ADGRL3: variants seen among roughly 807,000 people sequenced by gnomAD.
The protein encoded by ADGRL3 is calcium-independent alpha-latrotoxin receptor 3.
A neutral mutation model predicts 153.5 loss-of-function variants in ADGRL3; 62 were observed. The observed-to-expected ratio is 0.40, with a 90% CI of 0.33 to 0.50. ADGRL3 has a LOEUF of 0.50. Among genes scored for constraint, ADGRL3 ranks in the 20% least tolerant of loss-of-function variants. ADGRL3 has a pLI of 0.47. For synonymous variants in ADGRL3, 710 were observed against 672.5 expected (o/e 1.06, Z -0.86); for missense variants, 1,641 against 1,859.4 (o/e 0.88, Z 2.16).
intron 13 of ADGRL3, among the ~76,000 whole-genome samples, chr4:61,921,499 A>G (rs2149983251): frequency 6.6e-6 from 1 of 152,142 alleles, no homozygotes; most frequent in South Asian, 2.1e-4. Context: ...GCTCACTGCA[A>G]CCTCTGCCTC....
At chr4:61,282,525 C>A (rs2093763633) in intron 1 of ADGRL3, among the ~76,000 whole-genome samples, 1 of 151,868 alleles carries the variant, frequency 6.6e-6, no homozygotes, top group African/African-American at 2.4e-5. Context: ...CTTTTGGAGG[C>A]AGGAAGTTAG....
chr4:61,510,075 G>A (rs1221991248), intron 3 of ADGRL3, among the ~76,000 whole-genome samples: 1 of 152,174 alleles, frequency 6.6e-6, no homozygotes, highest in Non-Finnish European at 1.5e-5. Context: ...CTTTTGCGAA[G>A]TGTTTGTTCA....
At chr4:61,928,427 C>G (rs574470238) in intron 13 of ADGRL3, among the ~76,000 whole-genome samples, 6 of 152,188 alleles carry the variant, frequency 3.9e-5, no homozygotes, top group African/African-American at 1.4e-4. Flanking sequence ...GAGTCTATTA[C>G]TTTTGTACTG....
At chr4:61,971,312 A>C (rs1046214083) in intron 17 of ADGRL3, among the ~76,000 whole-genome samples, 2 of 151,356 alleles carry the variant, frequency 1.3e-5, no homozygotes, top group African/African-American at 2.4e-5. Context: ...CCCCGCTCCC[A>C]CCACCCCACA....
Position 61,201,583 on chromosome 4 carries a change from C to G in ADGRL3, c.-422C>G, listed in dbSNP as rs556747512. 2.8e-4 allele frequency: 43 copies of G among 152,446 alleles called. No individual in the cohort carries two copies. The highest frequency in any genetic ancestry group is 1.0e-3 in the African/African-American group (43 of 41,564). The allele number at this position is 152,446 out of a possible 1,614,324, so 9.4% of individuals were successfully genotyped here. On this transcript the variant is annotated 5_prime_UTR_variant, in exon 1 of 27. Transcript: ENST00000683033. ...TTGTTGTTTCCTTGACTGGGGTCTC[C>G]ACCCTCCTGCTGCTTTCTCTGCGCT...
rs529243285 is a variant in ADGRL3 at position 61,838,080 on chromosome 4, T to A, written c.1480+24191T>A. ...GAAAGAGAAAGAAAATAAAGTTTTT[T>A]TCTCATGAAACTCTCTTTACCATGA... On this transcript the variant is annotated intron_variant, in intron 9 of 26. Coordinates refer to ENST00000683033, the MANE Select transcript of ADGRL3 (RefSeq NM_001387552.1). 1.0e-3 allele frequency among the ~76,000 whole-genome samples: 153 copies of A among 152,196 alleles called. 1 individual carries two copies. The highest frequency in any genetic ancestry group is 3.4e-3 in the Middle Eastern group (1 of 294).
intron 6 of ADGRL3, among the ~76,000 whole-genome samples, chr4:61,723,438 G>A (rs2096273979): frequency 6.6e-6 from 1 of 152,100 alleles, no homozygotes; most frequent in South Asian, 2.1e-4. Flanking sequence ...CCCATACAGA[G>A]GGAGTGGGGG....
At chr4:61,816,359 C>T (rs1171355980) in intron 9 of ADGRL3, among the ~76,000 whole-genome samples, 6 of 152,148 alleles carry the variant, frequency 3.9e-5, no homozygotes, top group East Asian at 3.9e-4. Context: ...GACTCACTCA[C>T]GTTTTTGAAA....
intron 6 of ADGRL3, among the ~76,000 whole-genome samples, chr4:61,698,295 C>CA (rs1222500813): frequency 1.3e-5 from 2 of 151,802 alleles, no homozygotes; most frequent in Admixed American, 1.3e-4. Context: ...ACTAAAAATA[C>CA]AAAAAAATTA....
chr4:61,850,598 A>T (rs1238569345), intron 9 of ADGRL3, among the ~76,000 whole-genome samples: 1 of 152,156 alleles, frequency 6.6e-6, no homozygotes, highest in African/African-American at 2.4e-5. Context: ...ATTGTTTATG[A>T]CATATAAAAC....
intron 5 of ADGRL3, among the ~76,000 whole-genome samples, chr4:61,591,988 G>T (rs1461021101): frequency 6.7e-6 from 1 of 149,978 alleles, no homozygotes; most frequent in Non-Finnish European, 1.5e-5. Context: ...GAGGTGAGAG[G>T]ATGCCTTGAG....
At chr4:61,869,960 AAGAGAGAGAGAGAG>A (rs1311740882) in intron 9 of ADGRL3, among the ~76,000 whole-genome samples, 23 of 101,878 alleles carry the variant, frequency 2.3e-4, no homozygotes, top group African/African-American at 3.1e-4. Flanking sequence ...AAAAAAAAAA[AAGAGAGAGAGAGAG>A]AAAGAGAGAG....
In ADGRL3 at chr4:62,012,240, A is replaced by G. The variant is rs557984500; in HGVS notation, c.3395+13975A>G. On this transcript the variant is annotated intron_variant, in intron 21 of 26. Coordinates refer to ENST00000683033, the MANE Select transcript of ADGRL3 (RefSeq NM_001387552.1). ...AGTCACATACTCAAAACGTAGTCAT[A>G]GATTCTGAAGTAAAAGACAGGTGCT... Among the ~76,000 whole-genome samples the G allele has an allele frequency of 2.6e-5, 4 of 152,330 alleles. No homozygotes were observed. In the South Asian group the frequency reaches 8.3e-4, roughly 32 times the overall value.
At chr4:61,404,914 A>T (rs983354095) in intron 2 of ADGRL3, among the ~76,000 whole-genome samples, 5 of 152,088 alleles carry the variant, frequency 3.3e-5, no homozygotes, top group African/African-American at 1.2e-4. Flanking sequence ...AATATCTAAC[A>T]ATGTTTAAAA....
chr4:61,492,241 A>C (rs2098266911), intron 2 of ADGRL3, among the ~76,000 whole-genome samples: 1 of 152,208 alleles, frequency 6.6e-6, no homozygotes, highest in Admixed American at 6.5e-5. Flanking sequence ...TGGATTGATA[A>C]AAATCTGTAA....
At position 61,979,625 on chromosome 4, in the gene ADGRL3, C is replaced by T. The variant is rs755995898; in HGVS notation, c.2868C>T (p.Ser956=). The stretch of plus-strand genomic sequence containing the variant: ...TCACGTGGGTTGGAATTTTGCTGTC[C>T]CTTGTTTGTCTCCTGATTTGCATCT... ...DVITWVGILL[S]LVCLLICIFT... The change falls in exon 18 of 27, where the codon TCC becomes TCT. Residue 956 remains serine, a synonymous_variant. Coordinates refer to ENST00000683033, the MANE Select transcript of ADGRL3 (RefSeq NM_001387552.1). 4 of 1,613,876 alleles carry T rather than the reference C, an allele frequency of 2.5e-6. No homozygotes were observed. Among genetic ancestry groups the T allele is most frequent in the South Asian group, 2.2e-5 (2 of 91,076 alleles).
chr4:61,769,556 T>C (rs570325581), intron 8 of ADGRL3, among the ~76,000 whole-genome samples: 70 of 152,110 alleles, frequency 4.6e-4, no homozygotes, highest in South Asian at 3.3e-3. Flanking sequence ...TGCGCGTCCA[T>C]GTGAAGAGAC....
At chr4:61,545,603 T>G (rs1217513591) in intron 4 of ADGRL3, among the ~76,000 whole-genome samples, 3 of 152,186 alleles carry the variant, frequency 2.0e-5, no homozygotes, top group African/African-American at 7.2e-5. Context: ...AACCTCCGCC[T>G]GCCGAGTTCA....
intron 1 of ADGRL3, among the ~76,000 whole-genome samples, chr4:61,237,899 C>T (rs4301148): frequency 0.42 from 64,161 of 151,868 alleles, 13,641 homozygotes; most frequent in Middle Eastern, 0.46. Flanking sequence ...AATACACTGC[C>T]GGGTAACTTT....
Sources: allele counts gnomAD v4.1 joint callset (sites outside exome capture counted in the v4.1 genomes callset), GRCh38; gene constraint gnomAD v4.1.1; transcripts MANE v1.5; gene names NCBI Gene and HGNC (gene_info 2026-07-23, HGNC 2026-07-21).